Variants in ABCA5 observed in about 807,000 individuals in gnomAD.
The protein encoded by ABCA5 is ATP binding cassette subfamily A member 5, also known as cholesterol transporter ABCA5.
In ABCA5, 163 loss-of-function variants were observed where a neutral mutation model predicts 206.0. The observed-to-expected ratio is 0.79, with a 90% CI of 0.70 to 0.90. The LOEUF (loss-of-function observed/expected upper bound fraction) is 0.90, where lower values mean the gene tolerates loss of function less well. ABCA5 is among the 40% of genes least tolerant of loss of function. The pLI is 0.00. For synonymous variants in ABCA5, 609 were observed against 613.8 expected (o/e 0.99, Z 0.11); for missense variants, 1,859 against 1,912.9 (o/e 0.97, Z 0.53).
rs2074958025 is a variant in ABCA5 at position 69,246,928 on chromosome 17, A to G, written c.*609T>C. ...ACATACCTAATTACCTAAGCCTAAA[A>G]TCATGTACTAGAACAAGGGCTCATT... is the stretch of plus-strand genomic sequence containing the variant. On this transcript the variant is annotated 3_prime_UTR_variant, in exon 39 of 39. Coordinates refer to ENST00000392676, the MANE Select transcript of ABCA5 (RefSeq NM_172232.4). 1 of 151,934 alleles carries G rather than the reference A, an allele frequency of 6.6e-6. No individual in the cohort carries two copies. The highest frequency in any genetic ancestry group is 1.5e-5 in the Non-Finnish European group (1 of 67,812). 9.4% of individuals were successfully genotyped at this position (151,934 alleles called of 1,614,324 possible).
rs1376649000 is a variant in ABCA5 at position 69,245,657 on chromosome 17, A to G, written c.*1880T>C. Reference sequence around the variant, plus strand: ...AATGTCTTTTAAAATTGTTTACAAGAGCATGTATTCATATACATTAAAAGC... The same window carrying G: ...AATGTCTTTTAAAATTGTTTACAAGGGCATGTATTCATATACATTAAAAGC... On this transcript the variant is annotated 3_prime_UTR_variant, in exon 39 of 39. Coordinates refer to ENST00000392676, the MANE Select transcript of ABCA5 (RefSeq NM_172232.4). The G allele has an allele frequency of 6.6e-6, 1 of 152,040 alleles. No homozygotes were observed. Among genetic ancestry groups the G allele is most frequent in the Non-Finnish European group, 1.5e-5 (1 of 67,862 alleles). 9.4% of individuals were successfully genotyped at this position (152,040 alleles called of 1,614,324 possible). A position where few individuals can be genotyped will look rare whatever the true frequency, so the allele number is the denominator to read the frequency against.
At chr17:69,285,334 G>A (rs2144970747) in intron 17 of ABCA5, 1 of 151,878 alleles carries the variant, frequency 6.6e-6, no homozygotes, top group Middle Eastern at 3.4e-3. Context: ...AAAAAAACAA[G>A]TATTTTTCTG....
chr17:69,276,173 G>A (rs1213424614), intron 19 of ABCA5, among the ~76,000 whole-genome samples: 10 of 152,176 alleles, frequency 6.6e-5, no homozygotes, highest in South Asian at 4.1e-4. Context: ...TGCAACCTCC[G>A]CTTCCCGAGT....
intron 16 of ABCA5, 85 bp downstream of exon 16, chr17:69,286,136 C>G: frequency 6.5e-7 from 1 of 1,547,008 alleles, no homozygotes; most frequent in Non-Finnish European, 8.8e-7. Flanking sequence ...AAATGATGGT[C>G]AAAGCATATA....
chr17:69,250,469 T>G lies in ABCA5; in HGVS notation c.4685+3A>C. On this transcript the variant is annotated splice_donor_region_variant and intron_variant, in intron 36 of 38. Coordinates refer to ENST00000392676, the MANE Select transcript of ABCA5 (RefSeq NM_172232.4). ...AATATAACCACATTCTTTAAAATTT[T>G]ACCTTTCCTGACGGCTTGCATTTGG... is the stretch of plus-strand genomic sequence containing the variant. 2 of 1,603,506 alleles carry G rather than the reference T, an allele frequency of 1.2e-6. No homozygotes were observed. Among genetic ancestry groups the G allele is most frequent in the Non-Finnish European group, 1.7e-6 (2 of 1,176,950 alleles).
chr17:69,282,779 A>T (rs943160335), intron 18 of ABCA5, among the ~76,000 whole-genome samples: 1 of 151,592 alleles, frequency 6.6e-6, no homozygotes, highest in Non-Finnish European at 1.5e-5. Flanking sequence ...AAAAAAAAAA[A>T]AAAAGGAAAA....
chr17:69,312,230 G>T lies in ABCA5; in HGVS notation c.307+862C>A, dbSNP rs1002977754. Among the ~76,000 whole-genome samples the T allele has an allele frequency of 2.6e-5, 4 of 152,108 alleles. No homozygotes were observed. The East Asian group carries it at 7.7e-4, about 29-fold the overall frequency. ...TTAGGTTCTCTCACAGCCACTTTAAGTTCAGTGGCACTTCACTGCTTACAC... is the reference window on the plus strand; with the variant it reads ...TTAGGTTCTCTCACAGCCACTTTAATTTCAGTGGCACTTCACTGCTTACAC... On this transcript the variant is annotated intron_variant, in intron 3 of 38. Coordinates refer to ENST00000392676, the MANE Select transcript of ABCA5 (RefSeq NM_172232.4).
Position 69,254,487 on chromosome 17 carries a change from A to T in ABCA5, c.4072T>A (p.Phe1358Ile), listed in dbSNP as rs1378354759. Residue 1358 changes from phenylalanine to isoleucine, a missense_variant, in exon 32 of 39, where the codon TTT becomes ATT. Transcript: ENST00000392676. ...GTCTCTGAAGAATAATCTCCTAAAA[A>T]TACCTATAGAAACACAAACCAATTT... ...GDIEPTSGQVFLGDYSSETSE... is the reference protein window; with the variant it reads ...GDIEPTSGQVILGDYSSETSE... The T allele has an allele frequency of 1.2e-6, 2 of 1,609,952 alleles. No homozygotes were observed. The highest frequency in any genetic ancestry group is 2.7e-5 in the African/African-American group (2 of 74,700).
Position 69,277,626 on chromosome 17 carries a change from G to C in ABCA5, c.2594+15C>G, listed in dbSNP as rs758786078. On this transcript the variant is annotated intron_variant, in intron 19 of 38. Coordinates refer to ENST00000392676, the MANE Select transcript of ABCA5 (RefSeq NM_172232.4). ...AAAGCAATCCATCAGGTATAAGGGT[G>C]ATAATTATACTTACACTGATCTCAC... The C allele has an allele frequency of 2.5e-6, 4 of 1,590,226 alleles. No individual in the cohort carries two copies. In the South Asian group the frequency reaches 4.6e-5, roughly 18 times the overall value.
chr17:69,298,141 G>A (rs1285884955), intron 9 of ABCA5, among the ~76,000 whole-genome samples: 6 of 151,764 alleles, frequency 4.0e-5, no homozygotes, highest in Non-Finnish European at 5.9e-5. Flanking sequence ...AGCTGTGATC[G>A]TGCCACTGCA....
At chr17:69,286,463 T>C in intron 15 of ABCA5, 152 bp from the exon 16 acceptor site, 1 of 663,148 alleles carries the variant, frequency 1.5e-6, no homozygotes, top group Non-Finnish European at 2.5e-6. Context: ...TAGATTATCA[T>C]CAACTATTTT....
rs1390898576 is a variant in ABCA5, at chr17:69,326,636, G to A, written c.-16+416C>T. 1.3e-5 allele frequency among the ~76,000 whole-genome samples: 2 copies of A among 152,188 alleles called. No homozygotes were observed. Among genetic ancestry groups the A allele is most frequent in the Non-Finnish European group, 2.9e-5 (2 of 68,032 alleles). On this transcript the variant is annotated intron_variant, in intron 1 of 38. Coordinates refer to ENST00000392676, the MANE Select transcript of ABCA5 (RefSeq NM_172232.4). This position sits in a 1 kb window ranked among gnomAD's most constrained non-coding sequence, Gnocchi z 4.8. The stretch of plus-strand genomic sequence containing the variant: ...GCGCTCATTACCCAGCTGTTCAGAC[G>A]GAAATTTACATCAATATTTGTTTTC...
At chr17:69,258,359 G>A (rs572335194) in intron 28 of ABCA5, among the ~76,000 whole-genome samples, 1 of 152,092 alleles carries the variant, frequency 6.6e-6, no homozygotes, top group African/African-American at 2.4e-5. Flanking sequence ...ATGAAATTAT[G>A]TTCTTTACAG....
chr17:69,301,052 G>T, intron 9 of ABCA5, 87 bp downstream of exon 9: 1 of 1,241,098 alleles, frequency 8.1e-7, no homozygotes, highest in Non-Finnish European at 1.1e-6. Flanking sequence ...CCCTGGTTAG[G>T]AAAAAAAATC....
Position 69,309,378 on chromosome 17 carries a change from G to A in ABCA5, c.353C>T (p.Ser118Phe), listed in dbSNP as rs199888749. Residue 118 changes from serine (S) to phenylalanine (F), a missense_variant, in exon 4 of 39, where the codon TCC becomes TTC. Transcript: ENST00000392676. ...AAAGTTGCTCGGCTTAGAGAGACTG[G>A]ATGTTAACATTTCTTTTTCATTTGT... ...EYTNEKEMLT[S>F]SLSKPSNFVG... 248 of 1,598,688 alleles carry A rather than the reference G, an allele frequency of 1.6e-4. 2 individuals carry two copies. The East Asian group carries it at 4.9e-3, about 31-fold the overall frequency.
At chr17:69,304,314 T>A (rs2075693449) in intron 7 of ABCA5, 1 of 157,050 alleles carries the variant, frequency 6.4e-6, no homozygotes, top group South Asian at 2.0e-4. Context: ...AAAATCATCA[T>A]CCTGGAGCAT....
intron 24 of ABCA5, among the ~76,000 whole-genome samples, chr17:69,264,050 G>A (rs896474195): frequency 6.6e-6 from 1 of 152,074 alleles, no homozygotes; most frequent in African/African-American, 2.4e-5. Context: ...ATGAATTTTA[G>A]AATAGCTTTT....
At position 69,303,813 on chromosome 17, in the gene ABCA5, CATATATATATATGT is replaced by C. The variant is rs1403035181; in HGVS notation, c.930+842_930+855del. ...ATATATATATATATATATATACATA[CATATATATATATGT>C]ATATATATATATACATACATATATA... On this transcript the variant is annotated intron_variant, in intron 7 of 38. Coordinates refer to ENST00000392676, the MANE Select transcript of ABCA5 (RefSeq NM_172232.4). Among the ~76,000 whole-genome samples the C allele has an allele frequency of 5.2e-4, 2 of 3,846 alleles. 1 individual carries two copies. Among genetic ancestry groups the C allele is most frequent in the African/African-American group, 7.0e-4 (2 of 2,844 alleles). The allele number at this position is 3,846 out of a possible 152,430, so 2.5% of individuals were successfully genotyped here.
At chr17:69,282,219 A>C (rs1418113656) in intron 18 of ABCA5, among the ~76,000 whole-genome samples, 1 of 151,914 alleles carries the variant, frequency 6.6e-6, no homozygotes, top group Non-Finnish European at 1.5e-5. Flanking sequence ...CCTAAACACC[A>C]TTTTTCTAGG....
Sources: allele counts gnomAD v4.1 joint callset (sites outside exome capture counted in the v4.1 genomes callset), GRCh38; gene constraint gnomAD v4.1.1; non-coding constraint Gnocchi (gnomAD v3.1); transcripts MANE v1.5; gene names NCBI Gene and HGNC (gene_info 2026-07-23, HGNC 2026-07-21).